Variants in TCHHL1 observed in about 807,000 individuals in gnomAD.
The protein encoded by TCHHL1 is trichohyalin-like protein 1.
A neutral mutation model predicts 3.5 loss-of-function variants in TCHHL1; 1 was observed. The ratio of observed to expected loss-of-function variants is 0.29; its 90% confidence interval spans 0.10 to 1.36. The LOEUF (loss-of-function observed/expected upper bound fraction) is 1.36, where lower values mean the gene tolerates loss of function less well. Ranked by LOEUF, TCHHL1 falls within the 40% of genes most tolerant of loss-of-function variation. TCHHL1 has a pLI of 0.43. For synonymous variants in TCHHL1, 405 were observed against 375.3 expected (o/e 1.08, Z -0.92); for missense variants, 1,027 against 1,032.8 (o/e 0.99, Z 0.08).
In TCHHL1 at chr1:152,086,636, T is replaced by C. The variant is rs1476567413; in HGVS notation, c.1046A>G (p.Asn349Ser). 1 of 1,614,140 alleles carries C rather than the reference T, an allele frequency of 6.2e-7. No homozygotes were observed. The highest frequency in any genetic ancestry group is 1.3e-5 in the African/African-American group (1 of 75,034). Residue 349 changes from asparagine to serine, a missense_variant, in exon 3 of 3, where the codon AAT (asparagine) becomes AGT (serine). This residue lies in a region of TCHHL1 where 673 missense variants were observed against 658.6 expected (regional missense o/e 1.02). Transcript: ENST00000368806. Reference protein sequence around the residue: ...DADQTPAKTKNLGEPEDYGRT... With the variant: ...DADQTPAKTKSLGEPEDYGRT... ...GCCATAATCCTCAGGTTCACCCAAATTCTTTGTTTTAGCTGGTGTCTGGTC... is the reference window on the plus strand; with the variant it reads ...GCCATAATCCTCAGGTTCACCCAAACTCTTTGTTTTAGCTGGTGTCTGGTC...
intron 1 of TCHHL1, among the ~76,000 whole-genome samples, chr1:152,088,412 T>G (rs1013564505): frequency 6.6e-6 from 1 of 152,168 alleles, no homozygotes; most frequent in African/African-American, 2.4e-5. Context: ...GCAACATTCA[T>G]GTGCTCAGAG....
rs748007935 is a variant in TCHHL1, at chr1:152,087,491, C to T, written c.191G>A (p.Ser64Asn). The change falls in exon 3 of 3, where the codon AGT becomes AAT. Residue 64 changes from serine to asparagine, a missense_variant. By Grantham distance (46) the Ser-to-Asn change is conservative. Transcript: ENST00000368806. ...TTCATCAAAACTGATGATGCCATTA[C>T]TGTCAATATTCAGAAGATTTGAATT... ...EKNSNLLNID[S>N]NGIISFDEFV... The T allele has an allele frequency of 6.2e-7, 1 of 1,601,682 alleles. No individual in the cohort carries two copies. The highest frequency in any genetic ancestry group is 2.2e-5 in the East Asian group (1 of 44,874).
At chr1:152,087,588 C>T (rs1657758146) in intron 2 of TCHHL1, 45 bp from the exon 3 acceptor site, 1 of 1,536,028 alleles carries the variant, frequency 6.5e-7, no homozygotes, top group African/African-American at 1.4e-5. Context: ...ATATGTGGTC[C>T]AGTGTCCTAA....
chr1:152,088,026 C>T lies in TCHHL1; in HGVS notation c.118G>A (p.Glu40Lys), dbSNP rs775058312. Residue 40 changes from glutamate (E) to lysine (K), a missense_variant, in exon 2 of 3, where the codon GAG becomes AAG. Coordinates refer to ENST00000368806, the MANE Select transcript of TCHHL1 (RefSeq NM_001008536.2). Reference protein sequence around the residue: ...GRELKQLIQGEFGDFFQPCVL... With the variant: ...GRELKQLIQGKFGDFFQPCVL... ...CTCACCTGAAAAAAGTCCCCAAACT[C>T]GCCCTGGATGAGTTGTTTCAGCTCT... The T allele has an allele frequency of 5.0e-5, 80 of 1,602,334 alleles. No individual in the cohort carries two copies. Among genetic ancestry groups the T allele is most frequent in the Admixed American group, 2.1e-4 (12 of 56,678 alleles).
rs1365671763 is a variant in TCHHL1, at chr1:152,088,097, T to C, written c.47A>G (p.His16Arg). The stretch of plus-strand genomic sequence containing the variant: ...GTTACTGTCCTCACTGGCATATTTG[T>C]GGAATGTCTCAATTACACAGAGGAC... ...RNVLCVIETF[H>R]KYASEDSNGA... Residue 16 changes from histidine (H) to arginine (R), a missense_variant, in exon 2 of 3, where the codon CAC (histidine) becomes CGC (arginine). His to Arg is a conservative substitution (Grantham distance 29). This residue lies in a region of TCHHL1 where 338 missense variants were observed against 335.9 expected (regional missense o/e 1.01). Transcript: ENST00000368806. The C allele has an allele frequency of 1.9e-6, 3 of 1,609,974 alleles. No individual in the cohort carries two copies. The highest frequency in any genetic ancestry group is 8.5e-7 in the Non-Finnish European group (1 of 1,178,564).
chr1:152,088,382 A>T (rs1050591565), intron 1 of TCHHL1, among the ~76,000 whole-genome samples: 4 of 152,160 alleles, frequency 2.6e-5, no homozygotes, highest in African/African-American at 7.2e-5. Flanking sequence ...GAGACAATTC[A>T]CCCCACTCTT....
Position 152,086,532 on chromosome 1 carries a change from T to C in TCHHL1, c.1150A>G (p.Thr384Ala). ...VQYGSRNGSETSDMRDERKER... is the reference protein window; with the variant it reads ...VQYGSRNGSEASDMRDERKER... ...TTCCTTTCATCTCTCATGTCAGATG[T>C]TTCTGAACCATTTCTGCTACCATAT... is the stretch of plus-strand genomic sequence containing the variant. Residue 384 changes from threonine to alanine, a missense_variant, in exon 3 of 3, where the codon ACA becomes GCA. Transcript: ENST00000368806. 3.1e-6 allele frequency: 5 copies of C among 1,614,208 alleles called. No homozygotes were observed. The highest frequency in any genetic ancestry group is 3.4e-6 in the Non-Finnish European group (4 of 1,180,048).
rs941472463 is a variant in TCHHL1, at chr1:152,084,532, A to G, written c.*435T>C. 1 of 153,586 alleles carries G rather than the reference A, an allele frequency of 6.5e-6. No homozygotes were observed. Among genetic ancestry groups the G allele is most frequent in the Admixed American group, 6.5e-5 (1 of 15,428 alleles). 9.5% of individuals were successfully genotyped at this position (153,586 alleles called of 1,614,324 possible). A position where few individuals can be genotyped will look rare whatever the true frequency, so the allele number is the denominator to read the frequency against. On this transcript the variant is annotated 3_prime_UTR_variant, in exon 3 of 3. Coordinates refer to ENST00000368806, the MANE Select transcript of TCHHL1 (RefSeq NM_001008536.2). ...TTTAGGATGAACTTGAAATACTTCT[A>G]GGAAATGTCATGAAGCAGAGTAATC...
In TCHHL1 at chr1:152,086,213, T is replaced by C; in HGVS notation, c.1469A>G (p.Glu490Gly). ...FVNSKNAPAA[E>G]RTLGARERTQ... ...TCTTTCTCTTGCCCCCAGTGTCCTT[T>C]CTGCTGCAGGTGCGTTTTTGCTGTT... The change falls in exon 3 of 3, where the codon GAA becomes GGA. Residue 490 changes from glutamate (E) to glycine (G), a missense_variant. This residue lies in a region of TCHHL1 where 673 missense variants were observed against 658.6 expected (regional missense o/e 1.02). Coordinates refer to ENST00000368806, the MANE Select transcript of TCHHL1 (RefSeq NM_001008536.2). 3 of 1,614,244 alleles carry C rather than the reference T, an allele frequency of 1.9e-6. No individual in the cohort carries two copies. The highest frequency in any genetic ancestry group is 2.5e-6 in the Non-Finnish European group (3 of 1,180,046).
Position 152,085,337 on chromosome 1 carries a change from A to C in TCHHL1, c.2345T>G (p.Met782Arg). 1.2e-6 allele frequency: 2 copies of C among 1,614,164 alleles called. No individual in the cohort carries two copies. Among genetic ancestry groups the C allele is most frequent in the Non-Finnish European group, 1.7e-6 (2 of 1,180,026 alleles). ...AGAACAGGGCTCTTGGTCTCTCTGCATCTGCTTTTCAAGACTTGACCAGGG... is the reference window on the plus strand; with the variant it reads ...AGAACAGGGCTCTTGGTCTCTCTGCCTCTGCTTTTCAAGACTTGACCAGGG... ...SVPWSSLEKQMQRDQEPCSVE... is the reference protein window; with the variant it reads ...SVPWSSLEKQRQRDQEPCSVE... The change falls in exon 3 of 3, where the codon ATG becomes AGG. Residue 782 changes from methionine to arginine, a missense_variant. This residue lies in a region of TCHHL1 where 673 missense variants were observed against 658.6 expected (regional missense o/e 1.02). Transcript: ENST00000368806.
chr1:152,086,185 T>C lies in TCHHL1; in HGVS notation c.1497A>G (p.Thr499=). The C allele has an allele frequency of 6.2e-7, 1 of 1,614,236 alleles. No individual in the cohort carries two copies. The highest frequency in any genetic ancestry group is 8.5e-7 in the Non-Finnish European group (1 of 1,180,030). Residue 499 remains threonine, a synonymous_variant, in exon 3 of 3, where the codon ACA becomes ACG. Coordinates refer to ENST00000368806, the MANE Select transcript of TCHHL1 (RefSeq NM_001008536.2). Reference sequence around the variant, plus strand: ...GCTTCTCAAGTGGTGCTAAATCTTGTGTTCTTTCTCTTGCCCCCAGTGTCC... The same window carrying C: ...GCTTCTCAAGTGGTGCTAAATCTTGCGTTCTTTCTCTTGCCCCCAGTGTCC... ...AERTLGARER[T]QDLAPLEKQS... is the part of the protein sequence containing the mutation.
At chr1:152,088,214 A>G (rs1314453789) in intron 1 of TCHHL1, 51 bp from the exon 2 acceptor site, 26 of 1,467,100 alleles carry the variant, frequency 1.8e-5, no homozygotes, top group Non-Finnish European at 2.7e-6. Flanking sequence ...TCCTTCAGGG[A>G]GGAGATACCA....
In TCHHL1 at chr1:152,086,946, T is replaced by C; in HGVS notation, c.736A>G (p.Lys246Glu). ...DEPAREQSVS[K>E]IRDQFGEQEG... ...TGTTCTCCAAACTGGTCTCTTATCT[T>C]GGAAACACTTTGCTCTCTGGCTGGT... Residue 246 changes from lysine to glutamate, a missense_variant, in exon 3 of 3, where the codon AAG (lysine) becomes GAG (glutamate). By Grantham distance (56) the Lys-to-Glu change is moderately conservative. Coordinates refer to ENST00000368806, the MANE Select transcript of TCHHL1 (RefSeq NM_001008536.2). 2 of 1,614,212 alleles carry C rather than the reference T, an allele frequency of 1.2e-6. No homozygotes were observed.
In TCHHL1 at chr1:152,085,818, T is replaced by A; in HGVS notation, c.1864A>T (p.Thr622Ser). ...PAVRGEDVQL[T>S]EDQEQPARGE... ...CTGGCAGGCTGTTCCTGGTCCTCTG[T>A]GAGCTGTACATCCTCTCCTCTGACT... The change falls in exon 3 of 3, where the codon ACA becomes TCA. Residue 622 changes from threonine to serine, a missense_variant. Around this residue, in one of 3 missense-constraint regions of TCHHL1, gnomAD observed 673 missense variants for 658.6 expected, o/e 1.02. Transcript: ENST00000368806. 1 of 1,614,142 alleles carries A rather than the reference T, an allele frequency of 6.2e-7. No individual in the cohort carries two copies. The highest frequency in any genetic ancestry group is 8.5e-7 in the Non-Finnish European group (1 of 1,179,980).
At position 152,086,582 on chromosome 1, in the gene TCHHL1, C is replaced by T; in HGVS notation, c.1100G>A (p.Cys367Tyr). 1 of 1,614,118 alleles carries T rather than the reference C, an allele frequency of 6.2e-7. No individual in the cohort carries two copies. Among genetic ancestry groups the T allele is most frequent in the Non-Finnish European group, 8.5e-7 (1 of 1,180,036 alleles). The stretch of plus-strand genomic sequence containing the variant: ...TTGGACTGGCAGGTCCTTTGTTTCA[C>T]ATTCTTTTTCTTGGGTCTCAGATGT... ...GRTSETQEKECETKDLPVQYG... is the reference protein window; with the variant it reads ...GRTSETQEKEYETKDLPVQYG... The change falls in exon 3 of 3, where the codon TGT (cysteine) becomes TAT (tyrosine). Residue 367 changes from cysteine to tyrosine, a missense_variant. By Grantham distance (194) the Cys-to-Tyr change is radical. Around this residue, in one of 3 missense-constraint regions of TCHHL1, gnomAD observed 673 missense variants for 658.6 expected, o/e 1.02. Transcript: ENST00000368806.
In TCHHL1 at chr1:152,085,756, G is replaced by A; in HGVS notation, c.1926C>T (p.Gly642=). 2 of 1,614,148 alleles carry A rather than the reference G, an allele frequency of 1.2e-6. No individual in the cohort carries two copies. The highest frequency in any genetic ancestry group is 1.7e-6 in the Non-Finnish European group (2 of 1,180,022). ...CATTGGGCTCCACAGCTGCACCTGGGCCTTTGGTCCCTGGGCCTTGATTCT... is the reference window on the plus strand; with the variant it reads ...CATTGGGCTCCACAGCTGCACCTGGACCTTTGGTCCCTGGGCCTTGATTCT... ...EHKNQGPGTK[G]PGAAVEPNGH... Residue 642 remains glycine, a synonymous_variant, in exon 3 of 3, where the codon GGC becomes GGT. Coordinates refer to ENST00000368806, the MANE Select transcript of TCHHL1 (RefSeq NM_001008536.2).
chr1:152,087,734 C>A (rs1005028127), intron 2 of TCHHL1, among the ~76,000 whole-genome samples, 191 bp from the exon 3 acceptor site: 2 of 152,142 alleles, frequency 1.3e-5, no homozygotes, highest in African/African-American at 4.8e-5. Flanking sequence ...ATTTACAACA[C>A]TTGTGAGTTG....
At position 152,086,087 on chromosome 1, in the gene TCHHL1, C is replaced by T. The variant is rs145269084; in HGVS notation, c.1595G>A (p.Gly532Glu). The change falls in exon 3 of 3, where the codon GGG (glycine) becomes GAG (glutamate). Residue 532 changes from glycine to glutamate, a missense_variant. By Grantham distance (98) the Gly-to-Glu change is moderately conservative (BLOSUM62 -2). Transcript: ENST00000368806. ...QPVEEEDGYQGEDPESPFTQS... is the reference protein window; with the variant it reads ...QPVEEEDGYQEEDPESPFTQS... Reference sequence around the variant, plus strand: ...TGTGAATGGTGACTCAGGGTCCTCCCCCTGGTAACCATCCTCCTCCTCAAC... The same window carrying T: ...TGTGAATGGTGACTCAGGGTCCTCCTCCTGGTAACCATCCTCCTCCTCAAC... 5.2e-4 allele frequency: 845 copies of T among 1,614,146 alleles called. 8 individuals carry two copies. In the African/African-American group the frequency reaches 9.1e-3, roughly 17 times the overall value.
chr1:152,085,971 C>T lies in TCHHL1; in HGVS notation c.1711G>A (p.Gly571Arg). 1 of 1,614,200 alleles carries T rather than the reference C, an allele frequency of 6.2e-7. No individual in the cohort carries two copies. The highest frequency in any genetic ancestry group is 8.5e-7 in the Non-Finnish European group (1 of 1,180,040). Residue 571 changes from glycine to arginine, a missense_variant, in exon 3 of 3, where the codon GGG becomes AGG. Transcript: ENST00000368806. ...TGGTCCCCTTGACTCTGGGAGTCCC[C>T]TTGCACAGGCAGTTCACCTGTCTCT... ...SSETGELPVQ[G>R]DSQSQGDQHG...
Sources: gnomAD v4.1 joint callset for allele counts (sites outside exome capture counted in the v4.1 genomes callset) on GRCh38, gnomAD v4.1.1 for gene constraint, gnomAD v4.1.1 regional missense constraint, MANE v1.5 for transcripts, NCBI Gene and HGNC (gene_info 2026-07-23, HGNC 2026-07-21) for gene names.